Variants in DSCAM observed in about 807,000 individuals in gnomAD.
DSCAM encodes the protein DS cell adhesion molecule, also known as cell adhesion molecule DSCAM.
A neutral mutation model predicts 217.7 loss-of-function variants in DSCAM; 47 were observed. The ratio of observed to expected loss-of-function variants is 0.22; its 90% CI spans 0.17 to 0.28. The LOEUF (loss-of-function observed/expected upper bound fraction) is 0.28, where lower values mean the gene tolerates loss of function less well. DSCAM is among the 10% of genes least tolerant of loss of function. DSCAM has a pLI of 1.00. For missense variants in DSCAM, 2,080 were observed against 2,618.3 expected, an observed-to-expected ratio of 0.79 and a Z score of 4.49; for synonymous variants, 1,056 against 1,015.3, an observed-to-expected ratio of 1.04 and a Z score of -0.76.
chr21:40,078,642 TC>T, intron 26 of DSCAM, 44 bp downstream of exon 26: 1 of 1,587,126 alleles, frequency 6.3e-7, no homozygotes, highest in South Asian at 1.2e-5. Flanking sequence ...CACGTGCACA[TC>T]CCCCAAGACA....
chr21:40,075,579 G>A (rs890243144), intron 26 of DSCAM, among the ~76,000 whole-genome samples: 18 of 152,120 alleles, frequency 1.2e-4, no homozygotes, highest in Admixed American at 2.0e-4. Flanking sequence ...GAGACTATTC[G>A]AAAAAATTGC....
chr21:40,367,736 A>G (rs1298876185), intron 4 of DSCAM, among the ~76,000 whole-genome samples: 1 of 152,106 alleles, frequency 6.6e-6, no homozygotes, highest in Non-Finnish European at 1.5e-5. Context: ...GTCTTCATCT[A>G]TACTGTTAGT....
chr21:40,400,539 T>C, intron 3 of DSCAM, among the ~76,000 whole-genome samples: 1 of 152,202 alleles, frequency 6.6e-6, no homozygotes, highest in East Asian at 1.9e-4. Flanking sequence ...GGGTCTGGGT[T>C]TCTTGCCTAG....
chr21:40,359,744 A>C (rs1937579438), intron 4 of DSCAM, among the ~76,000 whole-genome samples: 1 of 152,182 alleles, frequency 6.6e-6, no homozygotes, highest in South Asian at 2.1e-4. Context: ...AGAAAATGCA[A>C]CTCTACAGAG....
intron 3 of DSCAM, among the ~76,000 whole-genome samples, chr21:40,479,526 G>A (rs2075964425): frequency 6.6e-6 from 1 of 152,154 alleles, no homozygotes; most frequent in Non-Finnish European, 1.5e-5. Context: ...CACAATCATG[G>A]CAGAAGGCAA....
chr21:40,511,478 G>A (rs990038919), intron 3 of DSCAM, among the ~76,000 whole-genome samples: 5 of 152,166 alleles, frequency 3.3e-5, no homozygotes, highest in African/African-American at 4.8e-5. Context: ...AAATGAATGT[G>A]ATTGTGGTTA....
chr21:40,126,370 G>A (rs2090093940), intron 19 of DSCAM, among the ~76,000 whole-genome samples: 1 of 151,956 alleles, frequency 6.6e-6, no homozygotes, highest in African/African-American at 2.4e-5. Flanking sequence ...AGAAAGGAAA[G>A]AAAGAAGAAG....
intron 1 of DSCAM, among the ~76,000 whole-genome samples, chr21:40,788,845 A>C (rs576104394): frequency 5.7e-4 from 87 of 152,372 alleles, no homozygotes; most frequent in African/African-American, 2.1e-3. Context: ...AGCAATAATC[A>C]ATCACAAAGA....
chr21:40,103,298 T>C lies in DSCAM; in HGVS notation c.3697-9424A>G, dbSNP rs1461800369. Among the ~76,000 whole-genome samples the C allele has an allele frequency of 2.0e-5, 3 of 152,046 alleles. No homozygotes were observed. The East Asian group carries it at 5.8e-4, about 29-fold the overall frequency. On this transcript the variant is annotated intron_variant, in intron 20 of 32. Transcript: ENST00000400454. ...TGCAATTAAAAAAACTTGAAGGCTGTGATTTCATAGATAGAATGTCCACAG... is the reference window on the plus strand; with the variant it reads ...TGCAATTAAAAAAACTTGAAGGCTGCGATTTCATAGATAGAATGTCCACAG...
intron 32 of DSCAM, among the ~76,000 whole-genome samples, chr21:40,030,367 T>C (rs1316375328): frequency 6.6e-6 from 1 of 151,942 alleles, no homozygotes; most frequent in Admixed American, 6.6e-5. Flanking sequence ...TGGTGAGTGC[T>C]GGGTGGAGAA....
intron 1 of DSCAM, among the ~76,000 whole-genome samples, chr21:40,746,727 A>G (rs1239378644): frequency 6.6e-6 from 1 of 151,982 alleles, no homozygotes; most frequent in African/African-American, 2.4e-5. Context: ...TGAATCCAAC[A>G]GACATTTACA....
Position 40,062,913 on chromosome 21 carries a change from GTTAACATTAGTACATGGTAAATAACTCA to G in DSCAM, c.4889-42_4889-15del. On this transcript the variant is annotated splice_polypyrimidine_tract_variant and intron_variant, in intron 27 of 32. Transcript: ENST00000400454. ...AACTCTTTGCATCTGGGGAAAGAAA[GTTAACATTAGTACATGGTAAATAACTCA>G]TTAACATTCACTTAGGCATTTATGA... 1 of 1,597,476 alleles carries G rather than the reference GTTAACATTAGTACATGGTAAATAACTCA, an allele frequency of 6.3e-7. No individual in the cohort carries two copies.
intron 15 of DSCAM, among the ~76,000 whole-genome samples, chr21:40,169,124 C>A (rs190863431): frequency 6.6e-6 from 1 of 151,958 alleles, no homozygotes; most frequent in South Asian, 2.1e-4. Flanking sequence ...AAGATACAGG[C>A]TATGGAGTGA....
intron 3 of DSCAM, among the ~76,000 whole-genome samples, chr21:40,532,095 A>C (rs2076451424): frequency 6.6e-6 from 1 of 152,178 alleles, no homozygotes; most frequent in Non-Finnish European, 1.5e-5. Context: ...CTCTTCTTTT[A>C]TGCTCTCACG....
At chr21:40,827,781 T>G (rs1291715319) in intron 1 of DSCAM, among the ~76,000 whole-genome samples, 1 of 152,116 alleles carries the variant, frequency 6.6e-6, no homozygotes, top group African/African-American at 2.4e-5. Context: ...ACAGGCAACT[T>G]TGTGTATCGT....
At chr21:40,562,028 C>T (rs529480213) in intron 3 of DSCAM, among the ~76,000 whole-genome samples, 2 of 152,334 alleles carry the variant, frequency 1.3e-5, no homozygotes, top group African/African-American at 4.8e-5. Flanking sequence ...ACTTTCCCCA[C>T]ATCGTGGTCT....
chr21:40,617,748 T>C (rs2089423424), intron 3 of DSCAM, among the ~76,000 whole-genome samples: 1 of 152,330 alleles, frequency 6.6e-6, no homozygotes, highest in Non-Finnish European at 1.5e-5. Context: ...GGGGTCAAAC[T>C]TGTGCTCAGT....
At chr21:40,271,483 G>A (rs1209272333) in intron 11 of DSCAM, among the ~76,000 whole-genome samples, 1 of 152,164 alleles carries the variant, frequency 6.6e-6, no homozygotes, top group Non-Finnish European at 1.5e-5. Flanking sequence ...AGTTGGGAGC[G>A]GGGAGGATGT....
chr21:40,803,020 G>C (rs1354862471), intron 1 of DSCAM, among the ~76,000 whole-genome samples: 1 of 152,090 alleles, frequency 6.6e-6, no homozygotes, highest in African/African-American at 2.4e-5. Flanking sequence ...GTCTGTTTTT[G>C]CTGATATTTT....
Sources: allele counts gnomAD v4.1 joint callset (sites outside exome capture counted in the v4.1 genomes callset), GRCh38; gene constraint gnomAD v4.1.1; transcripts MANE v1.5; gene names NCBI Gene and HGNC (gene_info 2026-07-23, HGNC 2026-07-21).